The following MKRN1 variants were observed in gnomAD, a reference collection of about 807,000 sequenced individuals.
The protein encoded by MKRN1 is E3 ubiquitin-protein ligase makorin-1.
A neutral mutation model predicts 55.5 loss-of-function variants in MKRN1; 9 were observed. That is an observed-to-expected ratio of 0.16 (90% CI 0.10 to 0.28). MKRN1 has a LOEUF of 0.28. Among genes scored for constraint, MKRN1 ranks in the 10% least tolerant of loss-of-function variants. MKRN1 has a pLI of 1.00. For missense variants in MKRN1, 488 were observed against 626.7 expected (o/e 0.78, Z 2.36); for synonymous variants, 253 against 235.9 (o/e 1.07, Z -0.66).
intron 2 of MKRN1, among the ~76,000 whole-genome samples, chr7:140,466,810 CAAAAAAA>C (rs563645827): frequency 6.9e-5 from 6 of 87,192 alleles, no homozygotes; most frequent in African/African-American, 1.5e-4. Flanking sequence ...GACTCCGTCT[CAAAAAAA>C]AAAAAAAAAA....
chr7:140,477,794 A>C (rs1019104855), intron 1 of MKRN1, among the ~76,000 whole-genome samples: 1 of 152,240 alleles, frequency 6.6e-6, no homozygotes, highest in Non-Finnish European at 1.5e-5. Context: ...CTTTTAAAAG[A>C]TGTAACTAGC....
intron 1 of MKRN1, among the ~76,000 whole-genome samples, chr7:140,476,221 A>G (rs1231066437): frequency 6.6e-6 from 1 of 152,196 alleles, no homozygotes; most frequent in East Asian, 1.9e-4. Context: ...ATGTTTATTT[A>G]TAATACAGTA....
chr7:140,462,939 C>T (rs925937915), intron 2 of MKRN1, among the ~76,000 whole-genome samples: 1 of 152,150 alleles, frequency 6.6e-6, no homozygotes, highest in Non-Finnish European at 1.5e-5. Flanking sequence ...GCACTCCACT[C>T]TGGGTGACAG....
intron 4 of MKRN1, 93 bp from the exon 5 acceptor site, chr7:140,456,959 T>A: frequency 2.4e-6 from 3 of 1,244,610 alleles, no homozygotes; most frequent in East Asian, 2.5e-5. Context: ...AAGAATCAAA[T>A]AGTCAACTGA....
At chr7:140,464,174 C>T (rs1794706330) in intron 2 of MKRN1, among the ~76,000 whole-genome samples, 3 of 152,034 alleles carry the variant, frequency 2.0e-5, no homozygotes, top group Admixed American at 1.3e-4. Flanking sequence ...CTGGCCTCAG[C>T]CTCCCAAAGT....
At chr7:140,470,175 C>T (rs1443240082) in intron 2 of MKRN1, among the ~76,000 whole-genome samples, 2 of 149,202 alleles carry the variant, frequency 1.3e-5, no homozygotes, top group Non-Finnish European at 3.0e-5. Context: ...GAGCTGAGAT[C>T]ATGCCATTGC....
chr7:140,466,570 C>G (rs181637627), intron 2 of MKRN1, among the ~76,000 whole-genome samples: 1 of 150,390 alleles, frequency 6.6e-6, no homozygotes, highest in Non-Finnish European at 1.5e-5. Flanking sequence ...TTTGGGAGGC[C>G]GAGGCGGGTG....
At chr7:140,454,952 C>G in intron 7 of MKRN1, 143 bp downstream of exon 7, 1 of 1,260,042 alleles carries the variant, frequency 7.9e-7, no homozygotes, top group Middle Eastern at 2.8e-4. Context: ...TCCCAGTTTT[C>G]TGAGGTTTGT....
intron 5 of MKRN1, chr7:140,456,284 G>T (rs1223694738): frequency 8.6e-7 from 1 of 1,166,158 alleles, no homozygotes; most frequent in Non-Finnish European, 1.1e-6. Flanking sequence ...AAGGATGGTG[G>T]ATTGTTGGCT....
At chr7:140,476,416 G>A (rs1585500972) in intron 1 of MKRN1, among the ~76,000 whole-genome samples, 2 of 140,550 alleles carry the variant, frequency 1.4e-5, no homozygotes, top group Middle Eastern at 3.9e-3. Context: ...AGGTTGCAGT[G>A]AGCTGAGATC....
chr7:140,474,307 C>G (rs1223209897), intron 1 of MKRN1: 3 of 184,114 alleles, frequency 1.6e-5, no homozygotes, highest in Non-Finnish European at 3.6e-5. Context: ...ACCATCCTGG[C>G]TAACACAGTG....
intron 2 of MKRN1, among the ~76,000 whole-genome samples, chr7:140,464,956 A>G (rs1405694535): frequency 6.6e-6 from 1 of 152,022 alleles, no homozygotes; most frequent in African/African-American, 2.4e-5. Flanking sequence ...ACACCCAGCT[A>G]ATTTTTATTT....
chr7:140,477,066 C>A (rs1795143443), intron 1 of MKRN1, among the ~76,000 whole-genome samples: 1 of 146,134 alleles, frequency 6.8e-6, no homozygotes, highest in Admixed American at 6.8e-5. Context: ...CCATTGCACT[C>A]CAACCTGGGA....
chr7:140,473,908 CT>C (rs1795009981), intron 1 of MKRN1: 1 of 150,778 alleles, frequency 6.6e-6, no homozygotes, highest in Non-Finnish European at 1.5e-5. Context: ...AGGAAAATCG[CT>C]GGAACCCAGG....
At position 140,454,305 on chromosome 7, in the gene MKRN1, G is replaced by T; in HGVS notation, c.*212C>A. On this transcript the variant is annotated 3_prime_UTR_variant, in exon 8 of 8. Transcript: ENST00000255977. The stretch of plus-strand genomic sequence containing the variant: ...TCGTGTTACAAAAAACTAACTTTAA[G>T]ATTTATTTTTGTAACTTTTTTCAAC... The T allele has an allele frequency of 3.4e-6, 2 of 586,624 alleles. No individual in the cohort carries two copies. Among genetic ancestry groups the T allele is most frequent in the East Asian group, 5.7e-5 (2 of 35,028 alleles). The allele number at this position is 586,624 out of a possible 1,614,324, so 36.3% of individuals were successfully genotyped here.
At chr7:140,457,244 G>A (rs1202413405) in intron 4 of MKRN1, among the ~76,000 whole-genome samples, 1 of 152,072 alleles carries the variant, frequency 6.6e-6, no homozygotes, top group African/African-American at 2.4e-5. Context: ...CGGAAAATAA[G>A]GGTGACAGGC....
Position 140,459,145 on chromosome 7 carries a change from C to T in MKRN1, c.633G>A (p.Lys211=). ...EKEQTAVETK[K]QLCPYAAVGE... ...CCACTGCAGCATAGGGGCACAGCTG[C>T]TTCTTTGTCTCCACGGCGGTTTGCT... is the stretch of plus-strand genomic sequence containing the variant. The change falls in exon 4 of 8, where the codon AAG becomes AAA. Residue 211 remains lysine, a synonymous_variant. Transcript: ENST00000255977. 6.2e-7 allele frequency: 1 copy of T among 1,613,982 alleles called. No homozygotes were observed. Among genetic ancestry groups the T allele is most frequent in the Non-Finnish European group, 8.5e-7 (1 of 1,179,868 alleles).
At chr7:140,456,607 T>TC in intron 5 of MKRN1, 45 bp downstream of exon 5, 1 of 1,600,210 alleles carries the variant, frequency 6.2e-7, no homozygotes, top group South Asian at 1.1e-5. Flanking sequence ...ACTAAATTCT[T>TC]CCCCAAAAGA....
At chr7:140,478,422 A>T (rs747577739) in intron 1 of MKRN1, 5 of 152,192 alleles carry the variant, frequency 3.3e-5, no homozygotes, top group Non-Finnish European at 7.4e-5. Context: ...CTCCCTTCGG[A>T]AGATGCGTAA....
Sources: gnomAD v4.1 joint callset for allele counts (sites outside exome capture counted in the v4.1 genomes callset) on GRCh38, gnomAD v4.1.1 for gene constraint, MANE v1.5 for transcripts, NCBI Gene and HGNC (gene_info 2026-07-23, HGNC 2026-07-21) for gene names.